The following PSD2 variants were observed in gnomAD, a reference collection of about 807,000 sequenced individuals.
The protein encoded by PSD2 is PH and SEC7 domain-containing protein 2.
PSD2 carries 38 observed loss-of-function variants against 69.8 expected under a neutral mutation model. The ratio of observed to expected loss-of-function variants is 0.54; its 90% CI spans 0.42 to 0.71. The LOEUF is 0.71. Among genes scored for constraint, PSD2 ranks in the 30% least tolerant of loss-of-function variants. The pLI, the probability that PSD2 is intolerant of heterozygous loss-of-function variation, is 0.00. For missense variants in PSD2, 943 were observed against 1,014.5 expected, an observed-to-expected ratio of 0.93 and a Z score of 0.96; for synonymous variants, 412 against 423.0, an observed-to-expected ratio of 0.97 and a Z score of 0.32.
At chr5:139,824,382 C>T (rs936917104) in intron 7 of PSD2, among the ~76,000 whole-genome samples, 4 of 149,168 alleles carry the variant, frequency 2.7e-5, no homozygotes, top group Non-Finnish European at 5.9e-5. Context: ...CTGAGGCTTT[C>T]GTCTCTCTCT....
the PSD2 span, among the ~76,000 whole-genome samples, chr5:139,776,264 G>T: frequency 3.4e-4 from 52 of 152,354 alleles, no homozygotes; most frequent in African/African-American, 1.2e-3. Flanking sequence ...AGTCCCAAGG[G>T]CTGTAAGCTG....
intron 7 of PSD2, among the ~76,000 whole-genome samples, chr5:139,832,701 C>T (rs1760624480): frequency 6.6e-6 from 1 of 152,200 alleles, no homozygotes; most frequent in Non-Finnish European, 1.5e-5. Flanking sequence ...GAAAACACTG[C>T]TTTAGAGCAA....
At chr5:139,842,201 T>C (rs1014013531) in intron 14 of PSD2, 70 bp from the exon 15 acceptor site, 10 of 1,287,030 alleles carry the variant, frequency 7.8e-6, no homozygotes, top group African/African-American at 5.9e-5. Flanking sequence ...ATTAGTCTTT[T>C]GTCATATAAG....
intron 1 of PSD2, among the ~76,000 whole-genome samples, chr5:139,799,979 A>G (rs116505540): frequency 0.016 from 2,443 of 150,146 alleles, 78 homozygotes; most frequent in African/African-American, 0.058. Flanking sequence ...GGTGGCCCCA[A>G]CTGTGGCCCC....
rs1170458768 is a variant in PSD2, at chr5:139,837,166, A to G, written c.1595-2A>G. The G allele has an allele frequency of 6.2e-7, 1 of 1,613,884 alleles. No individual in the cohort carries two copies. The highest frequency in any genetic ancestry group is 8.5e-7 in the Non-Finnish European group (1 of 1,179,908). On this transcript the variant is annotated splice_acceptor_variant, in intron 10 of 14. Transcript: ENST00000274710. LOFTEE classifies it high-confidence loss of function. This position sits in a 1 kb window ranked among gnomAD's most constrained non-coding sequence, Gnocchi z 5.0. ...CCACACTACCAGTGCCCTCCTCCCC[A>G]GCGCCCCGTGGGAGGCGTGGCTGGA...
At chr5:139,759,129 T>G in the PSD2 span, among the ~76,000 whole-genome samples, 2 of 152,094 alleles carry the variant, frequency 1.3e-5, no homozygotes, top group African/African-American at 4.8e-5. Context: ...TTTCCTATCT[T>G]CCTGAAGGAG....
chr5:139,831,634 C>T (rs1760601036), intron 7 of PSD2, among the ~76,000 whole-genome samples: 1 of 152,208 alleles, frequency 6.6e-6, no homozygotes, highest in South Asian at 2.1e-4. Context: ...TACCTTGAAA[C>T]ACTTTAGTTC....
chr5:139,814,476 C>T lies in PSD2; in HGVS notation c.1016+112C>T. 1.1e-6 allele frequency: 1 copy of T among 932,472 alleles called. No homozygotes were observed. Among genetic ancestry groups the T allele is most frequent in the Non-Finnish European group, 1.5e-6 (1 of 651,516 alleles). 57.8% of individuals were successfully genotyped at this position (932,472 alleles called of 1,614,324 possible). A position where few individuals can be genotyped will look rare whatever the true frequency, so the allele number is the denominator to read the frequency against. On this transcript the variant is annotated intron_variant, in intron 4 of 14. Coordinates refer to ENST00000274710, the MANE Select transcript of PSD2 (RefSeq NM_032289.4). This position sits in a 1 kb window ranked among gnomAD's most constrained non-coding sequence, Gnocchi z 4.4. ...GTGCCAGGTGCTGGGGGGGCACTCC[C>T]AACAGTTCCCCAAGGACACCTCCTC...
rs139242669 is a variant in PSD2, at chr5:139,817,535, G to A, written c.1071G>A (p.Ser357=). Residue 357 remains serine, a synonymous_variant, in exon 5 of 15, where the codon TCG becomes TCA. Transcript: ENST00000274710. ...AGTACCTCAGTTTCTTCGACTTCTC[G>A]GGCTTGACTCTGGACGGAGCACTCA... The part of the protein sequence containing the change: ...AGEYLSFFDF[S]GLTLDGALRT... The A allele has an allele frequency of 8.6e-4, 1,386 of 1,614,152 alleles. 1 individual carries two copies. The highest frequency in any genetic ancestry group is 2.8e-3 in the Middle Eastern group (17 of 6,062).
the PSD2 span, among the ~76,000 whole-genome samples, chr5:139,769,498 G>A: frequency 1.7e-4 from 26 of 151,858 alleles, no homozygotes; most frequent in Non-Finnish European, 3.1e-4. Flanking sequence ...AGCACTTGTG[G>A]CTCCTCAGGC....
rs1048803654 is a variant in PSD2, at chr5:139,836,833, T to A, written c.1426T>A (p.Ser476Thr). 14 of 1,614,054 alleles carry A rather than the reference T, an allele frequency of 8.7e-6. No individual in the cohort carries two copies. The highest frequency in any genetic ancestry group is 1.2e-5 in the Non-Finnish European group (14 of 1,179,978). ...WAIDEDELRKSLSELVDDKFG... is the reference protein window; with the variant it reads ...WAIDEDELRKTLSELVDDKFG... The stretch of plus-strand genomic sequence containing the variant: ...TAGTGATGAGGATGAGCTGAGGAAA[T>A]CCCTGTCTGAGCTGGTGGATGACAA... The change falls in exon 10 of 15, where the codon TCC becomes ACC. Residue 476 changes from serine (S) to threonine (T), a missense_variant. Around this residue, in one of 3 missense-constraint regions of PSD2, gnomAD observed 312 missense variants for 400.7 expected, o/e 0.78. Coordinates refer to ENST00000274710, the MANE Select transcript of PSD2 (RefSeq NM_032289.4).
In PSD2 at chr5:139,839,435, C is replaced by A. The variant is rs1050794752; in HGVS notation, c.1969-592C>A. On this transcript the variant is annotated intron_variant, in intron 13 of 14. Coordinates refer to ENST00000274710, the MANE Select transcript of PSD2 (RefSeq NM_032289.4). This position sits in a 1 kb window ranked among gnomAD's most constrained non-coding sequence, Gnocchi z 5.1. ...ATACACATTCACATGTGTAAACACA[C>A]AGGTGGTGACTCATACACACATGCA... Among the ~76,000 whole-genome samples the A allele has an allele frequency of 7.9e-5, 12 of 152,250 alleles. No individual in the cohort carries two copies. The highest frequency in any genetic ancestry group is 1.5e-4 in the Non-Finnish European group (10 of 68,048).
At chr5:139,798,077 A>G (rs563842143) in intron 1 of PSD2, among the ~76,000 whole-genome samples, 1 of 152,330 alleles carries the variant, frequency 6.6e-6, no homozygotes, top group Admixed American at 6.5e-5. Flanking sequence ...GGTCTTTTCC[A>G]GGAAAATCTG....
intron 7 of PSD2, among the ~76,000 whole-genome samples, chr5:139,823,649 G>T (rs188708035): frequency 6.6e-6 from 1 of 152,342 alleles, no homozygotes; most frequent in Non-Finnish European, 1.5e-5. Flanking sequence ...CATCTGTGAG[G>T]TGGGAATAAT....
chr5:139,837,694 C>T lies in PSD2; in HGVS notation c.1735C>T (p.Leu579=). ...GAACGCCATTCGCGTGCATCACGCT[C>T]TGGCCACCAGGGCCTCTGACTACAG... ...LKNAIRVHHA[L]ATRASDYSKK... Residue 579 remains leucine, a synonymous_variant, in exon 12 of 15, where the codon CTG becomes TTG. Coordinates refer to ENST00000274710, the MANE Select transcript of PSD2 (RefSeq NM_032289.4). This position sits in a 1 kb window ranked among gnomAD's most constrained non-coding sequence, Gnocchi z 5.0. 1.2e-6 allele frequency: 2 copies of T among 1,614,100 alleles called. No homozygotes were observed. The highest frequency in any genetic ancestry group is 1.7e-6 in the Non-Finnish European group (2 of 1,179,958).
At chr5:139,765,598 A>G in the PSD2 span, among the ~76,000 whole-genome samples, 1 of 152,174 alleles carries the variant, frequency 6.6e-6, no homozygotes, top group Admixed American at 6.5e-5. Context: ...TCCAAGCCCA[A>G]GCTCCGCCGG....
chr5:139,833,054 T>C (rs899636068), intron 7 of PSD2, among the ~76,000 whole-genome samples: 9 of 152,068 alleles, frequency 5.9e-5, no homozygotes, highest in Non-Finnish European at 1.2e-4. Flanking sequence ...CCCATAAACT[T>C]TCCCTCACTT....
the PSD2 span, among the ~76,000 whole-genome samples, chr5:139,750,353 C>A: frequency 2.0e-5 from 3 of 151,884 alleles, no homozygotes; most frequent in Admixed American, 6.6e-5. Flanking sequence ...CAAAAAAAAA[C>A]CCAAAATATG....
chr5:139,838,595 G>C, intron 12 of PSD2, 33 bp from the exon 13 acceptor site: 2 of 1,600,420 alleles, frequency 1.2e-6, no homozygotes, highest in African/African-American at 1.3e-5. Flanking sequence ...TCCTGTGTGA[G>C]AGGCCGGCAC....
Sources: allele counts gnomAD v4.1 joint callset (sites outside exome capture counted in the v4.1 genomes callset), GRCh38; gene constraint gnomAD v4.1.1; regional missense constraint gnomAD v4.1.1; non-coding constraint Gnocchi (gnomAD v3.1); transcripts MANE v1.5; gene names NCBI Gene and HGNC (gene_info 2026-07-23, HGNC 2026-07-21).